QRICH1: variants seen among roughly 807,000 people sequenced by gnomAD.
QRICH1 encodes glutamine rich 1, also known as transcriptional regulator QRICH1.
A neutral mutation model predicts 87.1 loss-of-function variants in QRICH1; 16 were observed. That is an observed-to-expected ratio of 0.18 (90% confidence interval 0.12 to 0.28). The LOEUF (loss-of-function observed/expected upper bound fraction) is 0.28, where lower values mean the gene tolerates loss of function less well. Ranked by LOEUF, QRICH1 falls within the 10% of genes least tolerant of loss-of-function variation. The pLI, the probability that QRICH1 is intolerant of heterozygous loss-of-function variation, is 1.00. For synonymous variants in QRICH1, 367 were observed against 368.4 expected, an observed-to-expected ratio of 1.00 and a Z score of 0.05; for missense variants, 647 against 951.7, an observed-to-expected ratio of 0.68 and a Z score of 4.21.
chr3:49,043,226 G>C (rs1339497513), intron 6 of QRICH1, among the ~76,000 whole-genome samples: 1 of 152,112 alleles, frequency 6.6e-6, no homozygotes, highest in African/African-American at 2.4e-5. Flanking sequence ...GCTGGCCGTG[G>C]TGGCTCATGC....
chr3:49,077,255 A>T (rs1202259450), intron 1 of QRICH1, among the ~76,000 whole-genome samples: 1 of 152,138 alleles, frequency 6.6e-6, no homozygotes, highest in Non-Finnish European at 1.5e-5. Flanking sequence ...CACTGAAAAC[A>T]AAAAAACAAA....
intron 1 of QRICH1, among the ~76,000 whole-genome samples, chr3:49,092,030 C>T (rs1239534298): frequency 6.6e-6 from 1 of 151,880 alleles, no homozygotes; most frequent in Admixed American, 6.6e-5. Context: ...CGAGATCACA[C>T]CCCTGCACTC....
At chr3:49,056,693 T>G (rs1170193836) in intron 3 of QRICH1, 169 bp downstream of exon 3, 3 of 1,211,100 alleles carry the variant, frequency 2.5e-6, no homozygotes, top group Non-Finnish European at 3.5e-6. Context: ...CTCTTTTTTC[T>G]GTTGCATAGC....
intron 6 of QRICH1, among the ~76,000 whole-genome samples, chr3:49,034,480 G>A (rs144362062): frequency 1.0e-3 from 153 of 151,416 alleles, no homozygotes; most frequent in Middle Eastern, 3.5e-3. Context: ...ATGGGGTTTC[G>A]CTCTGTCACC....
At chr3:49,091,311 A>G (rs2042270689) in intron 1 of QRICH1, among the ~76,000 whole-genome samples, 1 of 152,226 alleles carries the variant, frequency 6.6e-6, no homozygotes, top group South Asian at 2.1e-4. Flanking sequence ...AGACCCTTAC[A>G]GATCAAGAGT....
At chr3:49,085,319 C>T (rs1220979040) in intron 1 of QRICH1, among the ~76,000 whole-genome samples, 2 of 151,624 alleles carry the variant, frequency 1.3e-5, no homozygotes, top group Middle Eastern at 3.2e-3. Context: ...GCAGGCGGAT[C>T]ACCAGGTCAG....
At chr3:49,030,811 G>A (rs1040043121) in intron 9 of QRICH1, among the ~76,000 whole-genome samples, 167 bp from the exon 10 acceptor site, 3 of 151,898 alleles carry the variant, frequency 2.0e-5, no homozygotes, top group African/African-American at 4.8e-5. Flanking sequence ...TCCTCCTTTG[G>A]GACTACTGCA....
At chr3:49,092,742 AAG>A (rs2042300623) in intron 1 of QRICH1, among the ~76,000 whole-genome samples, 1 of 152,196 alleles carries the variant, frequency 6.6e-6, no homozygotes, top group South Asian at 2.1e-4. Context: ...GGGTCAAAAA[AAG>A]AGCTGAAAAG....
intron 8 of QRICH1, 54 bp from the exon 9 acceptor site, chr3:49,032,327 C>G: frequency 7.1e-7 from 1 of 1,401,242 alleles, no homozygotes; most frequent in Non-Finnish European, 1.0e-6. Flanking sequence ...TGCCTTACCT[C>G]AGGCCCAGAT....
chr3:49,064,261 A>AG (rs2093453369), intron 2 of QRICH1, among the ~76,000 whole-genome samples: 1 of 73,450 alleles, frequency 1.4e-5, no homozygotes, highest in Admixed American at 1.8e-4. Flanking sequence ...TTTTTTTTGG[A>AG]GACAAGAGTC....
At chr3:49,093,219 G>A (rs1039172348) in intron 1 of QRICH1, 2 of 152,158 alleles carry the variant, frequency 1.3e-5, no homozygotes, top group Admixed American at 6.5e-5. Context: ...GGTTTCCGAA[G>A]CAGAGAAACA....
intron 1 of QRICH1, among the ~76,000 whole-genome samples, chr3:49,088,651 G>C (rs1415291755): frequency 7.0e-6 from 1 of 142,486 alleles, no homozygotes; most frequent in African/African-American, 2.6e-5. Flanking sequence ...AATGAGACAA[G>C]GTCTTGCTCC....
chr3:49,077,532 T>A (rs1319850732), intron 1 of QRICH1, among the ~76,000 whole-genome samples: 5 of 152,224 alleles, frequency 3.3e-5, no homozygotes, highest in Non-Finnish European at 7.3e-5. Flanking sequence ...GAGGATATGT[T>A]CTTCATCTCC....
intron 6 of QRICH1, among the ~76,000 whole-genome samples, chr3:49,034,301 G>A (rs1292883320): frequency 1.3e-5 from 2 of 151,734 alleles, no homozygotes; most frequent in South Asian, 2.1e-4. Flanking sequence ...AAAATTAGTC[G>A]TGTGATGGTG....
chr3:49,067,422 G>T (rs1201857692), intron 2 of QRICH1, among the ~76,000 whole-genome samples: 1 of 151,146 alleles, frequency 6.6e-6, no homozygotes, highest in African/African-American at 2.4e-5. Flanking sequence ...AAAAAAATTA[G>T]CTGGGTGTGG....
intron 2 of QRICH1, among the ~76,000 whole-genome samples, chr3:49,064,994 G>A (rs1385077921): frequency 6.6e-6 from 1 of 151,848 alleles, no homozygotes; most frequent in Non-Finnish European, 1.5e-5. Context: ...CCAGCCTGGG[G>A]GACAGAGCAA....
intron 2 of QRICH1, among the ~76,000 whole-genome samples, chr3:49,064,698 T>C (rs998153800): frequency 2.0e-4 from 30 of 152,124 alleles, no homozygotes; most frequent in African/African-American, 6.5e-4. Context: ...ACCCCGTCTA[T>C]ACTAAAACAA....
chr3:49,049,752 C>T (rs1424522944), intron 3 of QRICH1, among the ~76,000 whole-genome samples: 1 of 151,700 alleles, frequency 6.6e-6, no homozygotes, highest in Non-Finnish European at 1.5e-5. Context: ...TCTGCCTTGG[C>T]CTCCCAAAGT....
At chr3:49,047,909 G>A (rs2093348059) in intron 3 of QRICH1, among the ~76,000 whole-genome samples, 2 of 151,944 alleles carry the variant, frequency 1.3e-5, no homozygotes, top group African/African-American at 4.8e-5. Context: ...CCTGGTGATA[G>A]AGCGAGACTC....
Sources: allele counts gnomAD v4.1 joint callset (sites outside exome capture counted in the v4.1 genomes callset), GRCh38; gene constraint gnomAD v4.1.1; transcripts MANE v1.5; gene names NCBI Gene and HGNC (gene_info 2026-07-23, HGNC 2026-07-21).